The following TENM4 variants were observed in gnomAD, a reference collection of about 807,000 sequenced individuals.
TENM4 encodes the protein teneurin transmembrane protein 4.
A neutral mutation model predicts 243.3 loss-of-function variants in TENM4; 82 were observed. That is an observed-to-expected ratio of 0.34 (90% CI 0.28 to 0.40). The LOEUF (loss-of-function observed/expected upper bound fraction) is 0.40, where lower values mean the gene tolerates loss of function less well. TENM4 is among the 10% of genes least tolerant of loss of function. The probability of loss-of-function intolerance (pLI) is 1.00; values close to 1 mark genes in which losing one functional copy is unlikely to be tolerated. For synonymous variants in TENM4, 1,412 were observed against 1,456.3 expected, an observed-to-expected ratio of 0.97 and a Z score of 0.69; for missense variants, 3,138 against 3,673.3, an observed-to-expected ratio of 0.85 and a Z score of 3.77.
At chr11:79,378,472 A>G (rs1200561691) in intron 1 of TENM4, among the ~76,000 whole-genome samples, 1 of 152,198 alleles carries the variant, frequency 6.6e-6, no homozygotes, top group Non-Finnish European at 1.5e-5. Context: ...GGGAGGAATA[A>G]TCTAGGTCTT....
At chr11:79,317,955 A>T (rs1250145350) in intron 1 of TENM4, among the ~76,000 whole-genome samples, 3 of 152,184 alleles carry the variant, frequency 2.0e-5, no homozygotes, top group African/African-American at 7.2e-5. Flanking sequence ...CTAGCTTTCC[A>T]TGGTGGCCCA....
At chr11:79,352,272 G>A (rs1437368633) in intron 1 of TENM4, among the ~76,000 whole-genome samples, 1 of 152,214 alleles carries the variant, frequency 6.6e-6, no homozygotes, top group Non-Finnish European at 1.5e-5. Context: ...ATGGTTAGGG[G>A]TGACCCTGAC....
intron 2 of TENM4, among the ~76,000 whole-genome samples, chr11:79,284,916 G>GA (rs1856221929): frequency 6.6e-6 from 1 of 152,166 alleles, no homozygotes; most frequent in East Asian, 1.9e-4. Context: ...AAGAAGACAA[G>GA]AAAAAATTGC....
At chr11:78,814,204 C>G (rs1857557352) in intron 13 of TENM4, 90 bp downstream of exon 13, 6 of 1,275,474 alleles carry the variant, frequency 4.7e-6, no homozygotes, top group Non-Finnish European at 6.5e-6. Flanking sequence ...AGAAGGTGGG[C>G]TGGATTCTGC....
At chr11:78,686,031 C>T (rs532388582) in intron 29 of TENM4, among the ~76,000 whole-genome samples, 1 of 152,348 alleles carries the variant, frequency 6.6e-6, no homozygotes, top group African/African-American at 2.4e-5. Flanking sequence ...CCTTCTCCTG[C>T]CCTCCTCTCC....
chr11:79,407,151 C>T (rs918703215), intron 1 of TENM4, among the ~76,000 whole-genome samples: 8 of 152,098 alleles, frequency 5.3e-5, no homozygotes, highest in African/African-American at 1.9e-4. Context: ...TGTCAGATTT[C>T]CATAAATAAT....
chr11:78,868,114 TC>T (rs1859031818), intron 9 of TENM4, among the ~76,000 whole-genome samples: 1 of 150,380 alleles, frequency 6.6e-6, no homozygotes, highest in Admixed American at 6.6e-5. Flanking sequence ...TAAACGGTTC[TC>T]CCCAGCCTGC....
chr11:79,322,245 C>A (rs1040966640), intron 1 of TENM4, among the ~76,000 whole-genome samples: 2 of 152,190 alleles, frequency 1.3e-5, no homozygotes, highest in Non-Finnish European at 2.9e-5. Flanking sequence ...AAGCCTCTTT[C>A]CCTATGAGGA....
At chr11:78,743,458 A>G (rs1855977819) in intron 19 of TENM4, among the ~76,000 whole-genome samples, 1 of 152,228 alleles carries the variant, frequency 6.6e-6, no homozygotes, top group South Asian at 2.1e-4. Flanking sequence ...AGTTCTTGAT[A>G]AATTATTTAT....
intron 7 of TENM4, among the ~76,000 whole-genome samples, chr11:78,897,768 A>T (rs746637713): frequency 6.6e-6 from 1 of 152,202 alleles, no homozygotes; most frequent in Non-Finnish European, 1.5e-5. Context: ...TCTGGGGCTG[A>T]CCTGGCCTGC....
intron 3 of TENM4, among the ~76,000 whole-genome samples, chr11:79,150,576 C>G (rs1243067647): frequency 1.3e-5 from 2 of 152,180 alleles, no homozygotes; most frequent in African/African-American, 4.8e-5. Flanking sequence ...TTGTGGCTTT[C>G]AGCCTCTTTC....
At chr11:79,111,335 G>C (rs1224285336) in intron 4 of TENM4, among the ~76,000 whole-genome samples, 2 of 152,112 alleles carry the variant, frequency 1.3e-5, no homozygotes, top group East Asian at 3.9e-4. Context: ...TACAAGGTCA[G>C]GAGATTGAGA....
intron 6 of TENM4, among the ~76,000 whole-genome samples, chr11:79,062,923 T>C (rs189449019): frequency 1.3e-5 from 2 of 152,064 alleles, no homozygotes; most frequent in East Asian, 3.9e-4. Context: ...TGAGGGAGTG[T>C]GGGTGGTTTC....
intron 4 of TENM4, among the ~76,000 whole-genome samples, chr11:79,098,835 T>TG (rs1464371875): frequency 6.6e-6 from 1 of 152,136 alleles, no homozygotes; most frequent in East Asian, 1.9e-4. Flanking sequence ...GAAAGGAACG[T>TG]GGTATTGCAG....
chr11:79,194,149 G>A (rs1053387051), intron 3 of TENM4, among the ~76,000 whole-genome samples: 4 of 151,720 alleles, frequency 2.6e-5, no homozygotes, highest in South Asian at 4.2e-4. Context: ...TCTTGCTGCC[G>A]CCACGTTAGA....
intron 2 of TENM4, among the ~76,000 whole-genome samples, chr11:79,262,443 G>A (rs1855814529): frequency 6.6e-6 from 1 of 152,150 alleles, no homozygotes; most frequent in African/African-American, 2.4e-5. Context: ...CAAAGGAAGT[G>A]GACGCCAGTC....
chr11:79,062,967 G>C (rs962301952), intron 6 of TENM4, among the ~76,000 whole-genome samples: 2 of 152,120 alleles, frequency 1.3e-5, no homozygotes, highest in Admixed American at 1.3e-4. Context: ...CTGGTACTGA[G>C]GTCATCGGCC....
At chr11:79,129,490 C>CA (rs986236285) in intron 4 of TENM4, among the ~76,000 whole-genome samples, 1 of 152,150 alleles carries the variant, frequency 6.6e-6, no homozygotes, top group Non-Finnish European at 1.5e-5. Context: ...TTTTCAAGCC[C>CA]AGCTCGCCCA....
At chr11:78,968,325 C>T (rs1857477426) in intron 6 of TENM4, among the ~76,000 whole-genome samples, 1 of 152,174 alleles carries the variant, frequency 6.6e-6, no homozygotes. Context: ...TACTCTGTCA[C>T]CCAGGCTGGA....
Sources: allele counts gnomAD v4.1 joint callset (sites outside exome capture counted in the v4.1 genomes callset), GRCh38; gene constraint gnomAD v4.1.1; transcripts MANE v1.5; gene names NCBI Gene and HGNC (gene_info 2026-07-23, HGNC 2026-07-21).